Variants in FASN observed in about 807,000 individuals in gnomAD.
FASN encodes the protein fatty acid synthase.
In FASN, 50 loss-of-function variants were observed where a neutral mutation model predicts 250.0. The observed-to-expected ratio is 0.20, with a 90% CI of 0.16 to 0.25. The LOEUF is 0.25. Ranked by LOEUF, FASN falls within the 10% of genes least tolerant of loss-of-function variation. The pLI, the probability that FASN is intolerant of heterozygous loss-of-function variation, is 1.00. For synonymous variants in FASN, 1,909 were observed against 1,584.0 expected, an observed-to-expected ratio of 1.21 and a Z score of -4.87; for missense variants, 3,031 against 3,498.5, an observed-to-expected ratio of 0.87 and a Z score of 3.37.
chr17:82,078,959 C>T lies in FASN; in HGVS notation c.*184G>A. 1 of 719,602 alleles carries T rather than the reference C, an allele frequency of 1.4e-6. No homozygotes were observed. Among genetic ancestry groups the T allele is most frequent in the Non-Finnish European group, 2.3e-6 (1 of 430,382 alleles). 44.6% of individuals were successfully genotyped at this position (719,602 alleles called of 1,614,324 possible). On this transcript the variant is annotated 3_prime_UTR_variant, in exon 43 of 43. Coordinates refer to ENST00000306749, the MANE Select transcript of FASN (RefSeq NM_004104.5). This position sits in a 1 kb window ranked among gnomAD's most constrained non-coding sequence, Gnocchi z 5.4. ...CGGCAGCTCTGGTGTCCCCGAGGTG[C>T]CGTGGGAGGCGGCGGGTGGGTGGGA...
Position 82,085,024 on chromosome 17 carries a change from C to CGT in FASN, c.4409+9_4409+10dup, listed in dbSNP as rs778822506. 3.2e-4 allele frequency: 511 copies of CGT among 1,603,794 alleles called. No homozygotes were observed. Among genetic ancestry groups the CGT allele is most frequent in the Non-Finnish European group, 4.0e-4 (473 of 1,175,720 alleles). On this transcript the variant is annotated intron_variant, in intron 25 of 42. Transcript: ENST00000306749. ...TGGGGAAGGGGAAGTGGTGAGGGGC[C>CGT]GTGCTCCTACCGGAGGCGGTTCCCG...
chr17:82,095,394 G>C lies in FASN; in HGVS notation c.206C>G (p.Pro69Arg), dbSNP rs1282295003. Reference sequence around the variant, plus strand: ...AGGGTCCATCGTGTGTGCCTGCTTGGGGTGGACTCCGAAGAAGGAGGCATC... The same window carrying C: ...AGGGTCCATCGTGTGTGCCTGCTTGCGGTGGACTCCGAAGAAGGAGGCATC... ...RFDASFFGVHPKQAHTMDPQL... is the reference protein window; with the variant it reads ...RFDASFFGVHRKQAHTMDPQL... The change falls in exon 3 of 43, where the codon CCC (proline) becomes CGC (arginine). Residue 69 changes from proline to arginine, a missense_variant. By Grantham distance (103) the Pro-to-Arg change is moderately radical. Coordinates refer to ENST00000306749, the MANE Select transcript of FASN (RefSeq NM_004104.5). The C allele has an allele frequency of 1.9e-6, 3 of 1,612,964 alleles. No homozygotes were observed. Among genetic ancestry groups the C allele is most frequent in the Non-Finnish European group, 2.5e-6 (3 of 1,180,014 alleles).
chr17:82,094,598 G>T (rs1765115000), intron 3 of FASN, among the ~76,000 whole-genome samples: 2 of 151,982 alleles, frequency 1.3e-5, no homozygotes, highest in South Asian at 4.2e-4. Flanking sequence ...AGACCATCCT[G>T]GCAAACATGG....
chr17:82,081,229 C>T lies in FASN; in HGVS notation c.6530G>A (p.Arg2177His), dbSNP rs9890362. 175 of 1,591,400 alleles carry T rather than the reference C, an allele frequency of 1.1e-4. 1 individual carries two copies. In the African/African-American group the frequency reaches 1.6e-3, roughly 15 times the overall value. The change falls in exon 38 of 43, where the codon CGC becomes CAC. Residue 2177 changes from arginine to histidine, a missense_variant. Transcript: ENST00000306749. ...CCGGAGCGTGAGTTGCCGCACCTCGCGCACGGACAGCACCAGGTTGAGCTC... is the reference window on the plus strand; with the variant it reads ...CCGGAGCGTGAGTTGCCGCACCTCGTGCACGGACAGCACCAGGTTGAGCTC... The part of the protein sequence containing the change: ...ERELNLVLSV[R>H]EVRQLTLRKL...
At position 82,084,227 on chromosome 17, in the gene FASN, C is replaced by T. The variant is rs143419550; in HGVS notation, c.4919+7G>A. ...GGGGCCCAGGCTCACACCCTCGACA[C>T]ACTCACCAGTTGGAAGGCACATCCC... On this transcript the variant is annotated splice_region_variant and intron_variant, in intron 28 of 42. Coordinates refer to ENST00000306749, the MANE Select transcript of FASN (RefSeq NM_004104.5). The T allele has an allele frequency of 1.5e-4, 236 of 1,611,574 alleles. 4 individuals carry two copies. In the East Asian group the frequency reaches 5.2e-3, roughly 36 times the overall value.
chr17:82,089,699 C>T lies in FASN; in HGVS notation c.1898G>A (p.Arg633His), dbSNP rs748154872. 5.7e-6 allele frequency: 9 copies of T among 1,588,256 alleles called. No homozygotes were observed. Among genetic ancestry groups the T allele is most frequent in the Middle Eastern group, 1.7e-4 (1 of 6,016 alleles). Residue 633 changes from arginine to histidine, a missense_variant, in exon 12 of 43, where the codon CGC becomes CAC. Arg to His is a conservative substitution (Grantham distance 29, BLOSUM62 0). Transcript: ENST00000306749. ...GGCGGGCACCACGCCCGGGGGGCAGCGCTGTTTACACTCCTCCCAGGACAA... is the reference window on the plus strand; with the variant it reads ...GGCGGGCACCACGCCCGGGGGGCAGTGCTGTTTACACTCCTCCCAGGACAA... ...VGLSWEECKQ[R>H]CPPGVVPACH...
chr17:82,083,758 T>G lies in FASN; in HGVS notation c.5218+14A>C. On this transcript the variant is annotated intron_variant, in intron 30 of 42. Transcript: ENST00000306749. The stretch of plus-strand genomic sequence containing the variant: ...CTAGGCAGGAGGCAGGTGGGGGCTG[T>G]GGGGGCCACTCACCCTTCCCGCCCG... 1 of 1,611,318 alleles carries G rather than the reference T, an allele frequency of 6.2e-7. No homozygotes were observed. The highest frequency in any genetic ancestry group is 1.1e-5 in the South Asian group (1 of 90,682).
intron 41 of FASN, 175 bp from the exon 42 acceptor site, chr17:82,079,783 T>A: frequency 2.2e-6 from 2 of 899,504 alleles, no homozygotes; most frequent in Non-Finnish European, 3.3e-6. Context: ...TTCAAGCGAT[T>A]CTCCTCCCTC....
chr17:82,090,397 C>T lies in FASN; in HGVS notation c.1848G>A (p.Pro616=), dbSNP rs377065424. 50 of 1,594,468 alleles carry T rather than the reference C, an allele frequency of 3.1e-5. No homozygotes were observed. Among genetic ancestry groups the T allele is most frequent in the African/African-American group, 4.0e-5 (3 of 74,824 alleles). The part of the protein sequence containing the change: ...RGQCIKEAHL[P]PGAMAAVGLS... The stretch of plus-strand genomic sequence containing the variant: ...TACCCACGGCTGCCATGGCGCCCGG[C>T]GGGAGATGGGCTTCTTTGATGCACT... The change falls in exon 11 of 43, where the codon CCG becomes CCA. Residue 616 remains proline, a synonymous_variant. Coordinates refer to ENST00000306749, the MANE Select transcript of FASN (RefSeq NM_004104.5).
Position 82,092,595 on chromosome 17 carries a change from G to C in FASN, c.895-6C>G, listed in dbSNP as rs538981847. On this transcript the variant is annotated splice_region_variant and splice_polypyrimidine_tract_variant and intron_variant, in intron 7 of 42. Coordinates refer to ENST00000306749, the MANE Select transcript of FASN (RefSeq NM_004104.5). ...AGCTCCTGGGGGTCGCCCACCTGTGGGAAACATGGGGGGTGAGGGGCTCTG... is the reference window on the plus strand; with the variant it reads ...AGCTCCTGGGGGTCGCCCACCTGTGCGAAACATGGGGGGTGAGGGGCTCTG... The C allele has an allele frequency of 2.0e-5, 32 of 1,605,796 alleles. No individual in the cohort carries two copies. The Admixed American group carries it at 4.8e-4, about 24-fold the overall frequency.
At position 82,084,236 on chromosome 17, in the gene FASN, G is replaced by A; in HGVS notation, c.4917C>T (p.Asn1639=). The A allele has an allele frequency of 6.2e-7, 1 of 1,611,790 alleles. No individual in the cohort carries two copies. The highest frequency in any genetic ancestry group is 8.5e-7 in the Non-Finnish European group (1 of 1,179,488). The stretch of plus-strand genomic sequence containing the variant: ...GCTCACACCCTCGACACACTCACCA[G>A]TTGGAAGGCACATCCCAGAGGAAGT... The part of the protein sequence containing the change: ...SPDFLWDVPS[N]WTLEEAASVP... Residue 1639 remains asparagine (N), a splice_region_variant and synonymous_variant, in exon 28 of 43, where the codon AAC becomes AAT. Coordinates refer to ENST00000306749, the MANE Select transcript of FASN (RefSeq NM_004104.5).
chr17:82,094,731 G>A (rs897680357), intron 3 of FASN, among the ~76,000 whole-genome samples: 2 of 151,854 alleles, frequency 1.3e-5, no homozygotes, highest in African/African-American at 4.8e-5. Flanking sequence ...AGAGCTTGCA[G>A]TGAGCTGAGA....
Position 82,085,352 on chromosome 17 carries a change from C to A in FASN, c.4173G>T (p.Leu1391=). ...FSRVSLRLVG[L]KKSFYGSTLF... is the part of the protein sequence containing the mutation. ...GCGTGGAGCCGTAGAAGGACTTCTT[C>A]AGGCCCACCAGGCGCAGCGACACCC... The change falls in exon 24 of 43, where the codon CTG becomes CTT. Residue 1391 remains leucine (L), a synonymous_variant. Coordinates refer to ENST00000306749, the MANE Select transcript of FASN (RefSeq NM_004104.5). The A allele has an allele frequency of 6.2e-7, 1 of 1,611,542 alleles. No individual in the cohort carries two copies. The highest frequency in any genetic ancestry group is 2.2e-5 in the East Asian group (1 of 44,816).
rs2034032835 is a variant in FASN at position 82,083,660 on chromosome 17, G to C, written c.5219-21C>G. The C allele has an allele frequency of 1.9e-5, 30 of 1,604,452 alleles. 1 individual carries two copies. Among genetic ancestry groups the C allele is most frequent in the Non-Finnish European group, 2.3e-5 (27 of 1,176,700 alleles). ...AACGCCTAGGGGGCCAGAGGGGCCA[G>C]ACAATCACACCCACTGCAAGCCCAG... On this transcript the variant is annotated intron_variant, in intron 30 of 42. Coordinates refer to ENST00000306749, the MANE Select transcript of FASN (RefSeq NM_004104.5).
At chr17:82,095,539 C>T in intron 2 of FASN, 67 bp from the exon 3 acceptor site, 2 of 1,584,862 alleles carry the variant, frequency 1.3e-6, no homozygotes, top group Non-Finnish European at 1.7e-6. Context: ...CTGTGGGGTG[C>T]TGCAGGCCCC....
rs2034005392 is a variant in FASN at position 82,082,352 on chromosome 17, G to A, written c.5982C>T (p.Pro1994=). 6.2e-7 allele frequency: 1 copy of A among 1,612,738 alleles called. No individual in the cohort carries two copies. The highest frequency in any genetic ancestry group is 8.5e-7 in the Non-Finnish European group (1 of 1,180,016). ...CCAGGTTCAGGGTGCCGCTGTACTT[G>A]GGCTTGCAGACGTCCTGGAAGAACT... ...TPEFFQDVCK[P]KYSGTLNLDR... Residue 1994 remains proline (P), a synonymous_variant, in exon 35 of 43, where the codon CCC becomes CCT. Transcript: ENST00000306749.
Position 82,079,397 on chromosome 17 carries a change from G to T in FASN, c.7358C>A (p.Ala2453Asp). The T allele has an allele frequency of 6.2e-7, 1 of 1,613,038 alleles. No individual in the cohort carries two copies. Among genetic ancestry groups the T allele is most frequent in the East Asian group, 2.2e-5 (1 of 44,884 alleles). Residue 2453 changes from alanine (A) to aspartate (D), a missense_variant, in exon 42 of 43, where the codon GCC becomes GAC. Ala to Asp is a moderately radical substitution (Grantham distance 126, BLOSUM62 -2). Coordinates refer to ENST00000306749, the MANE Select transcript of FASN (RefSeq NM_004104.5). ...GTCCGCGCCCAGGTCCTCGCCGTAGGCGCCACCCGTCTTGGCGCGCAGTAG... is the reference window on the plus strand; with the variant it reads ...GTCCGCGCCCAGGTCCTCGCCGTAGTCGCCACCCGTCTTGGCGCGCAGTAG... ...VMLLRAKTGG[A>D]YGEDLGADYN...
Position 82,080,553 on chromosome 17 carries a change from G to A in FASN, c.6864C>T (p.Tyr2288=). The change falls in exon 40 of 43, where the codon TAC becomes TAT. Residue 2288 remains tyrosine, a synonymous_variant. Transcript: ENST00000306749. ...GCACCTGCCTGATGCAGTCGATGTA[G>A]TAGGCAGCCAGGCTGTGGATGCTGT... ...PLDSIHSLAA[Y]YIDCIRQVQP... 6.4e-7 allele frequency: 1 copy of A among 1,560,348 alleles called. No individual in the cohort carries two copies. The highest frequency in any genetic ancestry group is 1.2e-5 in the South Asian group (1 of 85,176).
Position 82,081,689 on chromosome 17 carries a change from C to T in FASN, c.6318G>A (p.Leu2106=), listed in dbSNP as rs146934927. The T allele has an allele frequency of 1.0e-4, 162 of 1,612,792 alleles. 1 individual carries two copies. The Middle Eastern group carries it at 1.5e-3, about 15-fold the overall frequency. Residue 2106 remains leucine, a synonymous_variant, in exon 37 of 43, where the codon CTG becomes CTA. Transcript: ENST00000306749. ...DLFLNQPHMV[L]SSFVLAEKAA... is the part of the protein sequence containing the mutation. ...CCTTCTCAGCCAGCACAAAGCTGCT[C>T]AGGACCATGTGGGGCTGGTTCAGGA...
Sources: gnomAD v4.1 joint callset for allele counts (sites outside exome capture counted in the v4.1 genomes callset) on GRCh38, gnomAD v4.1.1 for gene constraint, Gnocchi (gnomAD v3.1) non-coding constraint, MANE v1.5 for transcripts, NCBI Gene and HGNC (gene_info 2026-07-23, HGNC 2026-07-21) for gene names.